PMFBP1: variants seen among roughly 807,000 people sequenced by gnomAD.
PMFBP1 encodes the protein polyamine-modulated factor 1-binding protein 1.
A neutral mutation model predicts 137.8 loss-of-function variants in PMFBP1; 131 were observed. The observed-to-expected ratio is 0.95, with a 90% CI of 0.82 to 1.10. The LOEUF (loss-of-function observed/expected upper bound fraction) is 1.10, where lower values mean the gene tolerates loss of function less well. Among genes scored for constraint, PMFBP1 ranks in the 50% least tolerant of loss-of-function variants. The probability of loss-of-function intolerance (pLI) is 0.00; values close to 1 mark genes in which losing one functional copy is unlikely to be tolerated. For missense variants in PMFBP1, 1,199 were observed against 1,175.4 expected, an observed-to-expected ratio of 1.02 and a Z score of -0.29; for synonymous variants, 490 against 450.4, an observed-to-expected ratio of 1.09 and a Z score of -1.11.
At chr16:72,204,290 T>C in the PMFBP1 span, among the ~76,000 whole-genome samples, 1 of 151,880 alleles carries the variant, frequency 6.6e-6, no homozygotes, top group African/African-American at 2.4e-5. Flanking sequence ...TGGGCTCAAG[T>C]GATTCCTCTG....
the PMFBP1 span, among the ~76,000 whole-genome samples, chr16:72,183,811 C>G: frequency 2.8e-3 from 422 of 152,258 alleles, no homozygotes; most frequent in Non-Finnish European, 3.1e-3. Context: ...CCCCTCACTT[C>G]TCATCTTCAT....
chr16:72,154,298 A>T lies in PMFBP1; in HGVS notation c.327T>A (p.Tyr109Ter), dbSNP rs759127010. 2 of 1,614,036 alleles carry T rather than the reference A, an allele frequency of 1.2e-6. No homozygotes were observed. The highest frequency in any genetic ancestry group is 4.5e-5 in the East Asian group (2 of 44,880). The change falls in exon 4 of 21, where the codon TAT (tyrosine) becomes TAA (stop). Residue 109 changes from tyrosine to a stop codon, truncating the protein, a stop_gained. Transcript: ENST00000237353. LOFTEE classifies it high-confidence loss of function. ...FHTEELQTSY[Y>*]SLRQYQSILE... ...GGATGGACTGATACTGGCGGAGAGA[A>T]TAGTAAGAAGTCTGCAACTCCTCTG... is the stretch of plus-strand genomic sequence containing the variant.
the PMFBP1 span, among the ~76,000 whole-genome samples, chr16:72,243,317 C>T: frequency 1.3e-5 from 2 of 152,226 alleles, no homozygotes; most frequent in East Asian, 3.9e-4. Flanking sequence ...ATGCAAATAC[C>T]CTTCTGCACG....
At chr16:72,138,005 C>T (rs1194545125) in intron 7 of PMFBP1, among the ~76,000 whole-genome samples, 2 of 152,004 alleles carry the variant, frequency 1.3e-5, no homozygotes, top group East Asian at 3.9e-4. Context: ...GTCTCTCATT[C>T]CTAATGGAGC....
chr16:72,232,716 T>C, the PMFBP1 span, among the ~76,000 whole-genome samples: 1 of 152,122 alleles, frequency 6.6e-6, no homozygotes, highest in South Asian at 2.1e-4. Context: ...AACTTCAATT[T>C]GAGGGGACTG....
chr16:72,154,685 C>T (rs1432493122), intron 3 of PMFBP1, among the ~76,000 whole-genome samples: 1 of 152,070 alleles, frequency 6.6e-6, no homozygotes, highest in Admixed American at 6.5e-5. Flanking sequence ...AAAAATGGTT[C>T]TTATCTACCA....
chr16:72,149,426 G>A (rs904518951), intron 5 of PMFBP1, among the ~76,000 whole-genome samples: 4 of 152,104 alleles, frequency 2.6e-5, no homozygotes, highest in Non-Finnish European at 4.4e-5. Flanking sequence ...AAGAAATAAG[G>A]AAGTTAATTA....
chr16:72,173,055 G>A (rs1409194138), upstream of PMFBP1, among the ~76,000 whole-genome samples: 2 of 152,194 alleles, frequency 1.3e-5, no homozygotes, highest in African/African-American at 4.8e-5. Context: ...CACTAAACAG[G>A]ATTCTAGGCC....
chr16:72,127,507 G>C (rs756725395), intron 14 of PMFBP1, among the ~76,000 whole-genome samples: 1 of 152,102 alleles, frequency 6.6e-6, no homozygotes, highest in Non-Finnish European at 1.5e-5. Context: ...ATAGAGGTAA[G>C]ACACTAAAAC....
the PMFBP1 span, among the ~76,000 whole-genome samples, chr16:72,222,467 G>A: frequency 2.0e-5 from 3 of 152,112 alleles, no homozygotes; most frequent in Non-Finnish European, 2.9e-5. Flanking sequence ...TATCAGGTCT[G>A]GGGGGATAGA....
chr16:72,136,563 T>C lies in PMFBP1; in HGVS notation c.1088A>G (p.Glu363Gly). ...CTTCCTCTCAATGTGGGCAGATGTCTCCTCCCGCAGTCCGTGCAGGTCCAG... is the reference window on the plus strand; with the variant it reads ...CTTCCTCTCAATGTGGGCAGATGTCCCCTCCCGCAGTCCGTGCAGGTCCAG... ...LELDLHGLRE[E>G]TSAHIERKDK... The change falls in exon 9 of 21, where the codon GAG becomes GGG. Residue 363 changes from glutamate (E) to glycine (G), a missense_variant. Transcript: ENST00000237353. The C allele has an allele frequency of 3.1e-6, 5 of 1,613,852 alleles. No individual in the cohort carries two copies. Among genetic ancestry groups the C allele is most frequent in the Non-Finnish European group, 4.2e-6 (5 of 1,179,946 alleles).
At chr16:72,123,080 C>T (rs2042400150) in intron 18 of PMFBP1, 92 bp from the exon 19 acceptor site, 2 of 1,163,896 alleles carry the variant, frequency 1.7e-6, no homozygotes, top group Non-Finnish European at 2.5e-6. Context: ...GGGTTCTCAG[C>T]AAGACTGCTG....
chr16:72,187,424 T>C, the PMFBP1 span, among the ~76,000 whole-genome samples: 4 of 152,312 alleles, frequency 2.6e-5, no homozygotes, highest in Admixed American at 6.5e-5. Flanking sequence ...TATTATCTAA[T>C]ATTATACTGG....
chr16:72,128,559 T>C (rs1444055175), intron 14 of PMFBP1, 98 bp downstream of exon 14: 1 of 1,606,740 alleles, frequency 6.2e-7, no homozygotes, highest in African/African-American at 1.3e-5. Flanking sequence ...GCTGAGCAGT[T>C]AGCTGCATTT....
the PMFBP1 span, among the ~76,000 whole-genome samples, chr16:72,206,078 G>A: frequency 6.6e-6 from 1 of 152,168 alleles, no homozygotes; most frequent in Non-Finnish European, 1.5e-5. Flanking sequence ...ATGGGCCAGG[G>A]GTCTGGGGAA....
At position 72,154,241 on chromosome 16, in the gene PMFBP1, C is replaced by T. The variant is rs547315437; in HGVS notation, c.384G>A (p.Leu128=). 5.0e-6 allele frequency: 8 copies of T among 1,613,928 alleles called. No homozygotes were observed. The Admixed American group carries it at 1.3e-4, about 27-fold the overall frequency. ...CTTCTTTCAGTTTGCAGTGATGGTG[C>T]AGAAGAACCAGGTCGGAAGTCTGCT... ...LEKQTSDLVL[L]HHHCKLKEDE... Residue 128 remains leucine, a synonymous_variant, in exon 4 of 21, where the codon CTG becomes CTA. Coordinates refer to ENST00000237353, the MANE Select transcript of PMFBP1 (RefSeq NM_031293.3).
At chr16:72,135,572 G>A (rs1011481264) in intron 9 of PMFBP1, among the ~76,000 whole-genome samples, 2 of 151,746 alleles carry the variant, frequency 1.3e-5, no homozygotes, top group Non-Finnish European at 2.9e-5. Flanking sequence ...GAATAGTACT[G>A]ATTAAAAAAG....
At position 72,128,831 on chromosome 16, in the gene PMFBP1, G is replaced by T. The variant is rs200884113; in HGVS notation, c.1951-37C>A. ...TTAAAGAACAAAGCACAGCAAAGAG[G>T]TGTTAATCTCAGATAACTATAAAAG... is the stretch of plus-strand genomic sequence containing the variant. On this transcript the variant is annotated intron_variant, in intron 13 of 20. Coordinates refer to ENST00000237353, the MANE Select transcript of PMFBP1 (RefSeq NM_031293.3). 6.9e-4 allele frequency: 1,116 copies of T among 1,612,764 alleles called. 6 individuals are homozygous for T. The Middle Eastern group carries it at 0.012, about 17-fold the overall frequency.
chr16:72,173,497 G>T (rs1347559595), upstream of PMFBP1, among the ~76,000 whole-genome samples: 1 of 152,162 alleles, frequency 6.6e-6, no homozygotes, highest in East Asian at 1.9e-4. Flanking sequence ...GAAGGCATAG[G>T]TTCTAACATT....
Sources: allele counts gnomAD v4.1 joint callset (sites outside exome capture counted in the v4.1 genomes callset), GRCh38; gene constraint gnomAD v4.1.1; transcripts MANE v1.5; gene names NCBI Gene and HGNC (gene_info 2026-07-23, HGNC 2026-07-21).